DMD: variants seen among roughly 807,000 people sequenced by gnomAD.
DMD encodes mutant dystrophin.
A neutral mutation model predicts 330.1 loss-of-function variants in DMD; 63 were observed. That is an observed-to-expected ratio of 0.19 (90% CI 0.16 to 0.24). DMD has a LOEUF of 0.24. Among genes scored for constraint, DMD ranks in the 10% least tolerant of loss-of-function variants. DMD has a pLI of 1.00. For missense variants in DMD, 3,344 were observed against 2,684.1 expected, an observed-to-expected ratio of 1.25 and a Z score of -5.43; for synonymous variants, 1,223 against 959.8, an observed-to-expected ratio of 1.27 and a Z score of -5.07.
At chrX:31,903,872 C>T (rs1210162015) in intron 47 of DMD, among the ~76,000 whole-genome samples, 2 of 111,342 alleles carry the variant, frequency 1.8e-5, no homozygotes, top group African/African-American at 6.5e-5. Context: ...ATAAAAATTA[C>T]GTCAAAGATA....
intron 11 of DMD, among the ~76,000 whole-genome samples, chrX:32,638,502 G>C (rs1271473534): frequency 8.9e-6 from 1 of 112,055 alleles, no homozygotes; most frequent in East Asian, 2.8e-4. Context: ...GTATATATCA[G>C]AATGAGAGCT....
At chrX:32,819,968 AGAGAT>A (rs1348270791) in intron 5 of DMD, among the ~76,000 whole-genome samples, 1 of 111,629 alleles carries the variant, frequency 9.0e-6, no homozygotes, top group Non-Finnish European at 1.9e-5. Flanking sequence ...GTGATATAAG[AGAGAT>A]GAGATAAGTA....
intron 1 of DMD, among the ~76,000 whole-genome samples, chrX:33,321,078 C>G (rs2054007869): frequency 9.0e-6 from 1 of 111,233 alleles, no homozygotes; most frequent in Non-Finnish European, 1.9e-5. Flanking sequence ...TTAAAGTCAT[C>G]CATGAGGGTT....
rs866167941 is a variant in DMD at position 33,009,340 on chromosome X, G to A, written c.93+10799C>T. 2.4e-4 allele frequency among the ~76,000 whole-genome samples: 7 copies of A among 29,139 alleles called. 2 individuals are homozygous for A. Among genetic ancestry groups the A allele is most frequent in the East Asian group, 3.8e-3 (2 of 524 alleles). 25.3% of individuals were successfully genotyped at this position (29,139 alleles called of 115,157 possible). A position where few individuals can be genotyped will look rare whatever the true frequency, so the allele number is the denominator to read the frequency against. ...TATATGTGTATATGTGTATATACAC[G>A]TGTATATACACATGTGTGTATATGT... is the stretch of plus-strand genomic sequence containing the variant. On this transcript the variant is annotated intron_variant, in intron 2 of 78. Coordinates refer to ENST00000357033, the MANE Select transcript of DMD (RefSeq NM_004006.3).
chrX:32,644,108 A>C, intron 11 of DMD, 24 bp downstream of exon 11: 2 of 1,171,076 alleles, frequency 1.7e-6, no homozygotes, highest in Non-Finnish European at 2.3e-6. Flanking sequence ...TAGTCTTCTT[A>C]ATTAAAAACA....
At chrX:32,665,660 T>C (rs1224441911) in intron 9 of DMD, among the ~76,000 whole-genome samples, 1 of 111,833 alleles carries the variant, frequency 8.9e-6, no homozygotes, top group Admixed American at 9.5e-5. Flanking sequence ...AAAAAATATA[T>C]GTGCTCTCAT....
rs1260916778 is a variant in DMD at position 31,120,758 on chromosome X, T to C, written c.*1161A>G. 1.8e-5 allele frequency: 2 copies of C among 110,236 alleles called. No homozygotes were observed. The highest frequency in any genetic ancestry group is 6.6e-5 in the African/African-American group (2 of 30,285). The allele number at this position is 110,236 out of a possible 1,213,427, so 9.1% of individuals were successfully genotyped here. ...CATCGTCCTGCTACTGCTTGGGAGT[T>C]AAAAAATACCTTCTGATGTTCACAA... On this transcript the variant is annotated 3_prime_UTR_variant, in exon 79 of 79. Coordinates refer to ENST00000357033, the MANE Select transcript of DMD (RefSeq NM_004006.3).
chrX:32,748,497 T>C (rs763862531), intron 7 of DMD, among the ~76,000 whole-genome samples: 13 of 111,517 alleles, frequency 1.2e-4, no homozygotes, highest in African/African-American at 3.9e-4. Context: ...ATGAGTCCAG[T>C]TTGAAAGTTT....
intron 2 of DMD, among the ~76,000 whole-genome samples, chrX:32,984,705 C>A (rs773378634): frequency 1.3e-3 from 141 of 111,805 alleles, no homozygotes; most frequent in Non-Finnish European, 2.0e-3. Context: ...ATTATTATTA[C>A]TCATGGAACA....
At chrX:32,637,525 C>G (rs1417350515) in intron 11 of DMD, among the ~76,000 whole-genome samples, 1 of 111,687 alleles carries the variant, frequency 9.0e-6, no homozygotes. Context: ...AGCAGCACCC[C>G]ACTCTCTGCG....
At chrX:31,493,974 C>T (rs1454906775) in intron 57 of DMD, among the ~76,000 whole-genome samples, 2 of 110,094 alleles carry the variant, frequency 1.8e-5, no homozygotes, top group Non-Finnish European at 3.8e-5. Context: ...CTGGCCAACA[C>T]GGTGAAACCC....
intron 4 of DMD, among the ~76,000 whole-genome samples, chrX:32,829,615 G>A (rs2079005521): frequency 9.0e-6 from 1 of 110,821 alleles, no homozygotes; most frequent in African/African-American, 3.3e-5. Context: ...TTTTATTTTT[G>A]TTTCTATTTT....
At chrX:33,209,230 TATGTC>T (rs1159232433) in intron 1 of DMD, among the ~76,000 whole-genome samples, 1 of 111,450 alleles carries the variant, frequency 9.0e-6, no homozygotes, top group African/African-American at 3.2e-5. Context: ...TTCATAATGT[TATGTC>T]ATGTAAGATA....
At chrX:32,709,046 T>C (rs1021479789) in intron 7 of DMD, among the ~76,000 whole-genome samples, 5 of 112,014 alleles carry the variant, frequency 4.5e-5, no homozygotes, top group African/African-American at 1.3e-4. Flanking sequence ...AATCAAGAAG[T>C]AGCAAACTTT....
intron 21 of DMD, among the ~76,000 whole-genome samples, chrX:32,482,144 T>C (rs2041960910): frequency 8.9e-6 from 1 of 112,119 alleles, no homozygotes; most frequent in Non-Finnish European, 1.9e-5. Context: ...TCTTTTTCCT[T>C]CTTTACATTA....
intron 1 of DMD, among the ~76,000 whole-genome samples, chrX:33,321,756 C>T (rs773310337): frequency 1.0e-3 from 114 of 112,476 alleles, no homozygotes; most frequent in African/African-American, 3.3e-3. Context: ...GCTATTTCAT[C>T]TACATAAAAA....
rs145205168 is a variant in DMD at position 32,234,644 on chromosome X, T to C, written c.6291-17581A>G. ...GAACATTTTACTATACTCGTTTTGA[T>C]CACATATCTTTTCCTTCCTCCGATC... On this transcript the variant is annotated intron_variant, in intron 43 of 78. Transcript: ENST00000357033. Among the ~76,000 whole-genome samples, 10 of 112,382 alleles carry C rather than the reference T, an allele frequency of 8.9e-5. No homozygotes were observed. The East Asian group carries it at 2.8e-3, about 31-fold the overall frequency.
chrX:31,178,356 T>C, intron 70 of DMD: 1 of 965,117 alleles, frequency 1.0e-6, no homozygotes, highest in Non-Finnish European at 1.3e-6. Flanking sequence ...AATGAAATAC[T>C]GGAATCACTC....
chrX:33,298,671 G>A (rs2053618447), intron 1 of DMD, among the ~76,000 whole-genome samples: 1 of 111,648 alleles, frequency 9.0e-6, no homozygotes, highest in Admixed American at 9.6e-5. Context: ...ATAAGCAGGG[G>A]ATGGCTACAT....
Sources: allele counts gnomAD v4.1 joint callset (sites outside exome capture counted in the v4.1 genomes callset), GRCh38; gene constraint gnomAD v4.1.1; transcripts MANE v1.5; gene names NCBI Gene and HGNC (gene_info 2026-07-23, HGNC 2026-07-21).